DPT: variants seen among roughly 807,000 people sequenced by gnomAD.
DPT encodes dermatopontin, also known as tyrosine-rich acidic matrix protein.
Under a neutral mutation model 31.2 loss-of-function variants are expected in DPT, and 21 were observed. The ratio of observed to expected loss-of-function variants is 0.67; its 90% CI spans 0.48 to 0.97. DPT has a LOEUF of 0.97. Ranked by LOEUF, DPT falls within the 50% of genes least tolerant of loss-of-function variation. The pLI is 0.00. For synonymous variants in DPT, 91 were observed against 86.9 expected, an observed-to-expected ratio of 1.05 and a Z score of -0.26; for missense variants, 262 against 258.8, an observed-to-expected ratio of 1.01 and a Z score of -0.08.
intron 2 of DPT, among the ~76,000 whole-genome samples, chr1:168,712,491 G>A (rs1223919815): frequency 6.6e-6 from 1 of 151,898 alleles, no homozygotes; most frequent in Non-Finnish European, 1.5e-5. Flanking sequence ...GCTCTTTCAG[G>A]TAATTTACAT....
intron 2 of DPT, among the ~76,000 whole-genome samples, chr1:168,706,876 G>A (rs1452628907): frequency 3.9e-5 from 6 of 152,176 alleles, no homozygotes; most frequent in African/African-American, 9.7e-5. Context: ...ACTTTGACTC[G>A]TGTTGATTTT....
chr1:168,712,439 A>G (rs2101905714), intron 2 of DPT, among the ~76,000 whole-genome samples: 1 of 152,304 alleles, frequency 6.6e-6, no homozygotes. Flanking sequence ...AGTTATACTA[A>G]TGTAGTAAAT....
intron 2 of DPT, among the ~76,000 whole-genome samples, chr1:168,713,549 G>T (rs147841532): frequency 2.2e-3 from 328 of 152,220 alleles, no homozygotes; most frequent in African/African-American, 7.5e-3. Flanking sequence ...AACCTGGGCC[G>T]GTTGTGTTAT....
At position 168,729,197 on chromosome 1, in the gene DPT, A is replaced by T; in HGVS notation, c.-23T>A. The T allele has an allele frequency of 6.2e-7, 1 of 1,604,536 alleles. No individual in the cohort carries two copies. Among genetic ancestry groups the T allele is most frequent in the Admixed American group, 1.7e-5 (1 of 59,192 alleles). ...CATGCTGCCTGGGATTTTGGCAAAC[A>T]ATGTCACTCTAAGATTGCTGGTCTG... On this transcript the variant is annotated 5_prime_UTR_variant, in exon 1 of 4. Transcript: ENST00000367817.
chr1:168,705,660 G>A (rs758976944), intron 2 of DPT, among the ~76,000 whole-genome samples: 29 of 152,180 alleles, frequency 1.9e-4, no homozygotes, highest in Non-Finnish European at 3.5e-4. Context: ...ATTGAATTCT[G>A]TTTTTCTTCT....
intron 2 of DPT, among the ~76,000 whole-genome samples, chr1:168,711,707 G>T (rs1211765375): frequency 2.6e-5 from 4 of 152,226 alleles, no homozygotes; most frequent in Admixed American, 2.6e-4. Context: ...CTGTTAGTTG[G>T]TGAGGAGGCT....
intron 1 of DPT, among the ~76,000 whole-genome samples, chr1:168,717,517 CTGA>C (rs750461115): frequency 6.6e-6 from 1 of 152,170 alleles, no homozygotes; most frequent in Non-Finnish European, 1.5e-5. Context: ...CCTGTTCACT[CTGA>C]TGATAGTTCC....
chr1:168,716,028 G>A (rs1392351873), intron 1 of DPT, among the ~76,000 whole-genome samples: 1 of 152,126 alleles, frequency 6.6e-6, no homozygotes, highest in Non-Finnish European at 1.5e-5. Flanking sequence ...AGGCCTTGTT[G>A]ACACACAAAT....
At chr1:168,724,231 T>A (rs534108062) in intron 1 of DPT, among the ~76,000 whole-genome samples, 1 of 152,320 alleles carries the variant, frequency 6.6e-6, no homozygotes, top group South Asian at 2.1e-4. Context: ...TGAAAGACCA[T>A]CCTGCATGTT....
At position 168,728,913 on chromosome 1, in the gene DPT, T is replaced by C; in HGVS notation, c.262A>G (p.Thr88Ala). 1.2e-6 allele frequency: 2 copies of C among 1,614,230 alleles called. No homozygotes were observed. Among genetic ancestry groups the C allele is most frequent in the African/African-American group, 2.7e-5 (2 of 75,062 alleles). The change falls in exon 1 of 4, where the codon ACG becomes GCG. Residue 88 changes from threonine (T) to alanine (A), a missense_variant. By Grantham distance (58) the Thr-to-Ala change is moderately conservative. Transcript: ENST00000367817. ...MPTPQSLGEP[T>A]ECWWEEINRA... Reference sequence around the variant, plus strand: ...TTGATCTCCTCCCACCAGCACTCCGTGGGTTCCCCGAGGCTCTGTGGCGTG... The same window carrying C: ...TTGATCTCCTCCCACCAGCACTCCGCGGGTTCCCCGAGGCTCTGTGGCGTG...
At chr1:168,721,359 T>G (rs1283549681) in intron 1 of DPT, among the ~76,000 whole-genome samples, 5 of 152,168 alleles carry the variant, frequency 3.3e-5, no homozygotes, top group Admixed American at 6.5e-5. Context: ...ACTAAAGAGA[T>G]GCTATATATC....
intron 1 of DPT, 45 bp downstream of exon 1, chr1:168,728,825 C>T (rs1295011525): frequency 2.5e-6 from 4 of 1,597,722 alleles, no homozygotes; most frequent in Non-Finnish European, 3.4e-6. Flanking sequence ...GAGGGATATG[C>T]AGAGATGTTC....
At chr1:168,728,669 C>T (rs2101916199) in intron 1 of DPT, among the ~76,000 whole-genome samples, 1 of 152,318 alleles carries the variant, frequency 6.6e-6, no homozygotes, top group South Asian at 2.1e-4. Flanking sequence ...CCCACAGACA[C>T]TCCCCATCCC....
At chr1:168,701,235 C>A in intron 2 of DPT, 111 bp from the exon 3 acceptor site, 1 of 829,208 alleles carries the variant, frequency 1.2e-6, no homozygotes, top group South Asian at 1.4e-5. Flanking sequence ...CTGGCAAATC[C>A]AGACTGAAGT....
chr1:168,714,371 C>A, intron 1 of DPT, 25 bp from the exon 2 acceptor site: 3 of 1,614,064 alleles, frequency 1.9e-6, no homozygotes, highest in South Asian at 1.1e-5. Context: ...ACCCCAGGAA[C>A]CTAAGAACAG....
chr1:168,728,795 A>T, intron 1 of DPT, 75 bp downstream of exon 1: 2 of 1,541,768 alleles, frequency 1.3e-6, no homozygotes, highest in South Asian at 2.4e-5. Context: ...ATTCCTTGAG[A>T]GTCTAGCAGC....
At chr1:168,715,857 C>A (rs766658999) in intron 1 of DPT, among the ~76,000 whole-genome samples, 3 of 152,238 alleles carry the variant, frequency 2.0e-5, no homozygotes, top group Admixed American at 6.5e-5. Flanking sequence ...ACCATCCCAG[C>A]CATTGGTCTA....
At chr1:168,707,907 G>A (rs1450443479) in intron 2 of DPT, among the ~76,000 whole-genome samples, 2 of 152,208 alleles carry the variant, frequency 1.3e-5, no homozygotes, top group Admixed American at 6.5e-5. Context: ...ACCCAGTCTC[G>A]GGTATGTCTT....
At chr1:168,723,241 G>A (rs1194206723) in intron 1 of DPT, among the ~76,000 whole-genome samples, 1 of 152,228 alleles carries the variant, frequency 6.6e-6, no homozygotes, top group Non-Finnish European at 1.5e-5. Context: ...ATCACCCACA[G>A]CACTGTGGAA....
Sources: allele counts gnomAD v4.1 joint callset (sites outside exome capture counted in the v4.1 genomes callset), GRCh38; gene constraint gnomAD v4.1.1; transcripts MANE v1.5; gene names NCBI Gene and HGNC (gene_info 2026-07-23, HGNC 2026-07-21).